Variants in ARB2A observed in about 807,000 individuals in gnomAD.
ARB2A encodes the protein cotranscriptional regulator ARB2A.
At chr5:94,006,956 T>G in the ARB2A span, among the ~76,000 whole-genome samples, 1 of 152,206 alleles carries the variant, frequency 6.6e-6, no homozygotes, top group Non-Finnish European at 1.5e-5. Flanking sequence ...AGTATAGCAT[T>G]AATTTAGTTC....
chr5:94,064,826 G>T, the ARB2A span, among the ~76,000 whole-genome samples: 1 of 152,150 alleles, frequency 6.6e-6, no homozygotes, highest in Non-Finnish European at 1.5e-5. Flanking sequence ...AGATCTAAGA[G>T]AACTGCTTAA....
chr5:93,990,524 C>G, the ARB2A span, among the ~76,000 whole-genome samples: 4 of 143,900 alleles, frequency 2.8e-5, no homozygotes, highest in Non-Finnish European at 6.0e-5. Flanking sequence ...GAAAGATAGG[C>G]TATCTTAAGT....
the ARB2A span, among the ~76,000 whole-genome samples, chr5:93,961,507 A>G: frequency 6.6e-6 from 1 of 152,220 alleles, no homozygotes; most frequent in African/African-American, 2.4e-5. Flanking sequence ...CAACATAGTG[A>G]GACCCTGTCT....
chr5:93,692,517 A>G, the ARB2A span, among the ~76,000 whole-genome samples: 6 of 152,218 alleles, frequency 3.9e-5, no homozygotes, highest in Admixed American at 2.0e-4. Context: ...ATATATATGC[A>G]CTCAATATAG....
the ARB2A span, among the ~76,000 whole-genome samples, chr5:93,976,898 T>C: frequency 6.6e-6 from 1 of 152,112 alleles, no homozygotes; most frequent in Non-Finnish European, 1.5e-5. Context: ...GATAAATGAC[T>C]TCAGCGAACT....
At chr5:94,081,991 C>T in the ARB2A span, among the ~76,000 whole-genome samples, 1 of 152,156 alleles carries the variant, frequency 6.6e-6, no homozygotes, top group Non-Finnish European at 1.5e-5. Context: ...TCCTAATCAC[C>T]CCTCTCTCCA....
At chr5:93,743,909 G>A in the ARB2A span, among the ~76,000 whole-genome samples, 156 of 152,094 alleles carry the variant, frequency 1.0e-3, no homozygotes, top group Middle Eastern at 0.01. Context: ...CTTGTGATCC[G>A]CCTGCCTCGG....
the ARB2A span, among the ~76,000 whole-genome samples, chr5:93,767,846 T>C: frequency 2.3e-3 from 343 of 151,102 alleles, 6 homozygotes; most frequent in African/African-American, 7.9e-3. Context: ...TACAAAAAAT[T>C]AGCTGAGCGT....
chr5:94,067,349 G>GGC, the ARB2A span, among the ~76,000 whole-genome samples: 1 of 151,866 alleles, frequency 6.6e-6, no homozygotes, highest in African/African-American at 2.4e-5. Context: ...AGAAAAATCA[G>GGC]GCAAGAGAAC....
the ARB2A span, among the ~76,000 whole-genome samples, chr5:93,788,128 T>C: frequency 6.6e-6 from 1 of 152,184 alleles, no homozygotes; most frequent in Admixed American, 6.5e-5. Context: ...GTACAGTACT[T>C]TGAACAGATT....
the ARB2A span, among the ~76,000 whole-genome samples, chr5:93,951,790 T>C: frequency 6.6e-6 from 1 of 152,206 alleles, no homozygotes; most frequent in Non-Finnish European, 1.5e-5. Context: ...GCTTATTGTA[T>C]GCCTGCATCA....
At chr5:94,108,692 G>A in the ARB2A span, among the ~76,000 whole-genome samples, 2 of 151,958 alleles carry the variant, frequency 1.3e-5, no homozygotes, top group Non-Finnish European at 2.9e-5. Flanking sequence ...CATCAGGATC[G>A]CTATTATCAA....
chr5:94,051,891 A>G, the ARB2A span, among the ~76,000 whole-genome samples: 1 of 152,108 alleles, frequency 6.6e-6, no homozygotes, highest in Admixed American at 6.6e-5. Flanking sequence ...GCCCAATCTC[A>G]GCTCACTGCA....
the ARB2A span, among the ~76,000 whole-genome samples, chr5:94,040,633 G>A: frequency 2.0e-5 from 3 of 151,824 alleles, no homozygotes; most frequent in African/African-American, 7.3e-5. Flanking sequence ...ATAGTTTGCT[G>A]AGAATGTGTC....
chr5:93,693,247 A>C, the ARB2A span, among the ~76,000 whole-genome samples: 2 of 152,226 alleles, frequency 1.3e-5, no homozygotes, highest in Admixed American at 1.3e-4. Flanking sequence ...CCCTTCAAAA[A>C]AATCAATGAA....
chr5:93,985,685 G>A, the ARB2A span, among the ~76,000 whole-genome samples: 4 of 152,186 alleles, frequency 2.6e-5, no homozygotes, highest in Admixed American at 6.5e-5. Context: ...TCGGCCTCCC[G>A]AGGTGCCGGG....
chr5:94,090,119 C>A, the ARB2A span, among the ~76,000 whole-genome samples: 2 of 152,130 alleles, frequency 1.3e-5, no homozygotes, highest in Non-Finnish European at 2.9e-5. Context: ...AAAATGAATT[C>A]TTAAAAATGA....
chr5:94,024,889 T>C, the ARB2A span, among the ~76,000 whole-genome samples: 1 of 152,162 alleles, frequency 6.6e-6, no homozygotes, highest in Non-Finnish European at 1.5e-5. Context: ...TAGGTTTATA[T>C]AGCTCATGCA....
the ARB2A span, among the ~76,000 whole-genome samples, chr5:93,831,705 G>C: frequency 7.9e-5 from 12 of 152,124 alleles, no homozygotes. Flanking sequence ...GGAAAGTGCC[G>C]GCCAGGCCCA....
Sources: gnomAD v4.1 joint callset for allele counts (sites outside exome capture counted in the v4.1 genomes callset) on GRCh38, gnomAD v4.1.1 for gene constraint, MANE v1.5 for transcripts, NCBI Gene and HGNC (gene_info 2026-07-23, HGNC 2026-07-21) for gene names.